Variants in GUCY1A2 observed in about 807,000 individuals in gnomAD.
GUCY1A2 encodes guanylate cyclase soluble subunit alpha-2.
GUCY1A2 carries 27 observed loss-of-function variants against 63.5 expected under a neutral mutation model. That is an observed-to-expected ratio of 0.43 (90% confidence interval 0.31 to 0.59). The LOEUF is 0.59. Ranked by LOEUF, GUCY1A2 falls within the 20% of genes least tolerant of loss-of-function variation. The probability of loss-of-function intolerance (pLI) is 0.11; values close to 1 mark genes in which losing one functional copy is unlikely to be tolerated. For missense variants in GUCY1A2, 768 were observed against 913.3 expected (o/e 0.84, Z 2.05); for synonymous variants, 364 against 343.5 (o/e 1.06, Z -0.66).
chr11:106,808,726 G>C (rs922131892), intron 5 of GUCY1A2, among the ~76,000 whole-genome samples: 5 of 152,122 alleles, frequency 3.3e-5, no homozygotes, highest in Non-Finnish European at 5.9e-5. Flanking sequence ...GGTTGTGGCA[G>C]AGATTGGTGT....
chr11:106,967,727 G>A (rs1237101170), intron 3 of GUCY1A2, among the ~76,000 whole-genome samples: 1 of 113,642 alleles, frequency 8.8e-6, no homozygotes. Flanking sequence ...ATGAAGGGAG[G>A]AAAGGAGGGA....
At chr11:106,746,832 G>A (rs1277137354) in intron 6 of GUCY1A2, among the ~76,000 whole-genome samples, 2 of 132,804 alleles carry the variant, frequency 1.5e-5, no homozygotes, top group Non-Finnish European at 3.2e-5. Context: ...TTGAAGGGAT[G>A]AGAGAATATT....
At chr11:106,835,770 A>G (rs1859109003) in intron 4 of GUCY1A2, among the ~76,000 whole-genome samples, 1 of 151,942 alleles carries the variant, frequency 6.6e-6, no homozygotes, top group African/African-American at 2.4e-5. Flanking sequence ...CTAGTGTGGT[A>G]CACTCAGAAA....
intron 4 of GUCY1A2, among the ~76,000 whole-genome samples, chr11:106,849,000 T>C (rs1859315506): frequency 6.6e-6 from 1 of 151,660 alleles, no homozygotes; most frequent in South Asian, 2.1e-4. Context: ...GCTACCATTT[T>C]CTGTACAAAA....
intron 4 of GUCY1A2, among the ~76,000 whole-genome samples, chr11:106,811,271 A>G (rs1858758784): frequency 6.6e-6 from 1 of 152,110 alleles, no homozygotes; most frequent in East Asian, 1.9e-4. Context: ...ACACAAGCTT[A>G]TGCCCAGTAG....
chr11:106,736,458 T>G (rs1863591128), intron 6 of GUCY1A2, among the ~76,000 whole-genome samples: 1 of 152,182 alleles, frequency 6.6e-6, no homozygotes, highest in Non-Finnish European at 1.5e-5. Flanking sequence ...TAAATTTATT[T>G]CTGAGCTCTC....
At chr11:106,760,825 C>G (rs1864053579) in intron 6 of GUCY1A2, among the ~76,000 whole-genome samples, 1 of 152,010 alleles carries the variant, frequency 6.6e-6, no homozygotes, top group Non-Finnish European at 1.5e-5. Flanking sequence ...TCCACGTCAA[C>G]TTTGGCTAAA....
chr11:106,848,056 A>G (rs780072538), intron 4 of GUCY1A2, among the ~76,000 whole-genome samples: 7 of 151,654 alleles, frequency 4.6e-5, no homozygotes, highest in Non-Finnish European at 7.4e-5. Flanking sequence ...TGTGGGCCCA[A>G]TGAAGTTTAT....
chr11:106,984,402 G>A (rs1452632049), intron 2 of GUCY1A2, among the ~76,000 whole-genome samples: 5 of 152,172 alleles, frequency 3.3e-5, no homozygotes, highest in Admixed American at 1.3e-4. Context: ...TAGAAGGGGA[G>A]GGCTGAGGCA....
intron 3 of GUCY1A2, among the ~76,000 whole-genome samples, chr11:106,944,070 T>C (rs888062372): frequency 7.3e-5 from 11 of 151,050 alleles, no homozygotes; most frequent in Admixed American, 5.3e-4. Flanking sequence ...TAGCAGGGCA[T>C]GGTGGTACAT....
intron 6 of GUCY1A2, among the ~76,000 whole-genome samples, chr11:106,710,064 G>A (rs62646306): frequency 2.1e-5 from 2 of 94,172 alleles, no homozygotes; most frequent in Admixed American, 1.3e-4. Context: ...ATATATACAT[G>A]TATATAATAT....
Position 107,018,157 on chromosome 11 carries a change from CG to C in GUCY1A2, c.-103del, listed in dbSNP as rs1220076130. On this transcript the variant is annotated 5_prime_UTR_variant, in exon 1 of 8. The change abolishes the stop of an existing upstream ORF in the 5' untranslated region. Transcript: ENST00000526355. ...CGGCAAGCGACAACGTTAAGCGCGTCGGGGCCGCGGGGCGCTGCGGTCGCGC... is the reference window on the plus strand; with the variant it reads ...CGGCAAGCGACAACGTTAAGCGCGTCGGGCCGCGGGGCGCTGCGGTCGCGC... 1.7e-6 allele frequency: 1 copy of C among 583,040 alleles called. No individual in the cohort carries two copies. Among genetic ancestry groups the C allele is most frequent in the Non-Finnish European group, 2.4e-6 (1 of 414,848 alleles). The allele number at this position is 583,040 out of a possible 1,614,324, so 36.1% of individuals were successfully genotyped here. A position where few individuals can be genotyped will look rare whatever the true frequency, so the allele number is the denominator to read the frequency against.
intron 1 of GUCY1A2, among the ~76,000 whole-genome samples, chr11:107,017,095 C>T (rs560066187): frequency 2.5e-4 from 38 of 151,864 alleles, no homozygotes; most frequent in African/African-American, 8.7e-4. Context: ...AGAATAAATG[C>T]CTAGTGGATA....
rs528853626 is a variant in GUCY1A2, at chr11:106,738,086, T to C, written c.1837-29420A>G. Among the ~76,000 whole-genome samples, 181 of 152,338 alleles carry C rather than the reference T, an allele frequency of 1.2e-3. 1 individual carries two copies. The highest frequency in any genetic ancestry group is 4.1e-3 in the African/African-American group (172 of 41,590). ...TTTCCTGACTTTTTAATAATCACCA[T>C]TCTAACTGGTGTGAGATGGTATCTC... On this transcript the variant is annotated intron_variant, in intron 6 of 7. Coordinates refer to ENST00000526355, the MANE Select transcript of GUCY1A2 (RefSeq NM_000855.3).
At chr11:106,858,552 G>A (rs948011503) in intron 4 of GUCY1A2, among the ~76,000 whole-genome samples, 15 of 152,092 alleles carry the variant, frequency 9.9e-5, no homozygotes, top group Non-Finnish European at 2.1e-4. Flanking sequence ...AAGAGGTAGA[G>A]GCAGTAGGAT....
chr11:106,695,489 T>A (rs1862702022), intron 7 of GUCY1A2, among the ~76,000 whole-genome samples: 1 of 152,162 alleles, frequency 6.6e-6, no homozygotes, highest in African/African-American at 2.4e-5. Flanking sequence ...TTCTGAAAGA[T>A]GAAAATAAAA....
intron 4 of GUCY1A2, among the ~76,000 whole-genome samples, chr11:106,911,109 A>G (rs1317535280): frequency 6.6e-6 from 1 of 152,036 alleles, no homozygotes; most frequent in African/African-American, 2.4e-5. Flanking sequence ...GAGAAGAGGA[A>G]CCTGAAGAAG....
intron 4 of GUCY1A2, among the ~76,000 whole-genome samples, chr11:106,867,813 G>C (rs891973129): frequency 5.3e-5 from 8 of 152,030 alleles, no homozygotes; most frequent in African/African-American, 1.9e-4. Context: ...AAAGAAAAAA[G>C]AGGAATGGAA....
chr11:106,777,101 G>A lies in GUCY1A2; in HGVS notation c.1693-519C>T, dbSNP rs535918198. ...AAATATTCATACCCCATACCATTGC[G>A]TCAACCACTTTATGTACATTGTCTC... On this transcript the variant is annotated intron_variant, in intron 5 of 7. Transcript: ENST00000526355. Among the ~76,000 whole-genome samples the A allele has an allele frequency of 1.2e-4, 19 of 152,040 alleles. No individual in the cohort carries two copies. In the South Asian group the frequency reaches 2.1e-3, roughly 17 times the overall value.
Sources: gnomAD v4.1 joint callset for allele counts (sites outside exome capture counted in the v4.1 genomes callset) on GRCh38, gnomAD v4.1.1 for gene constraint, MANE v1.5 for transcripts, NCBI Gene and HGNC (gene_info 2026-07-23, HGNC 2026-07-21) for gene names.